COL19A1: variants seen among roughly 807,000 people sequenced by gnomAD.
COL19A1 encodes collagen alpha-1(XIX) chain.
In COL19A1, 159 loss-of-function variants were observed where a neutral mutation model predicts 190.2. The observed-to-expected ratio is 0.84, with a 90% CI of 0.73 to 0.95. COL19A1 has a LOEUF of 0.95. Ranked by LOEUF, COL19A1 falls within the 40% of genes least tolerant of loss-of-function variation. The pLI, the probability that COL19A1 is intolerant of heterozygous loss-of-function variation, is 0.00. For synonymous variants in COL19A1, 509 were observed against 458.9 expected, an observed-to-expected ratio of 1.11 and a Z score of -1.39; for missense variants, 1,418 against 1,431.9, an observed-to-expected ratio of 0.99 and a Z score of 0.16.
intron 4 of COL19A1, among the ~76,000 whole-genome samples, chr6:69,907,110 T>TTA (rs1770604570): frequency 5.7e-5 from 6 of 105,638 alleles, no homozygotes; most frequent in South Asian, 3.4e-4. Flanking sequence ...TATTATTATT[T>TTA]TTTTTTTTTT....
At chr6:70,207,059 CAA>C in intron 50 of COL19A1, 81 bp downstream of exon 50, 1 of 1,601,450 alleles carries the variant, frequency 6.2e-7, no homozygotes, top group Non-Finnish European at 8.5e-7. Context: ...CCTTATATGT[CAA>C]GTCGAGTGAT....
chr6:70,041,319 T>C (rs1779623768), intron 14 of COL19A1, among the ~76,000 whole-genome samples: 1 of 152,222 alleles, frequency 6.6e-6, no homozygotes, highest in Admixed American at 6.5e-5. Context: ...TATAATAATT[T>C]TAAAGTTCTA....
intron 1 of COL19A1, among the ~76,000 whole-genome samples, chr6:69,877,588 A>G (rs1276419382): frequency 3.3e-5 from 5 of 152,234 alleles, no homozygotes; most frequent in Non-Finnish European, 7.3e-5. Context: ...CATGACATCA[A>G]TTAAGCCAAA....
chr6:70,066,344 C>A (rs1011205303), intron 14 of COL19A1, among the ~76,000 whole-genome samples: 1 of 151,280 alleles, frequency 6.6e-6, no homozygotes, highest in Non-Finnish European at 1.5e-5. Flanking sequence ...CAAACTATCA[C>A]AAGGACAAAA....
intron 32 of COL19A1, 37 bp downstream of exon 32, chr6:70,156,268 G>A: frequency 6.2e-7 from 1 of 1,613,016 alleles, no homozygotes; most frequent in South Asian, 1.1e-5. Context: ...ATCCCTGTGG[G>A]TTACATGTAG....
At chr6:70,191,986 A>G (rs1766902165) in intron 48 of COL19A1, among the ~76,000 whole-genome samples, 1 of 152,180 alleles carries the variant, frequency 6.6e-6, no homozygotes, top group African/African-American at 2.4e-5. Context: ...AACTAGAAAT[A>G]CAGTAGAGTA....
intron 17 of COL19A1, among the ~76,000 whole-genome samples, chr6:70,129,186 C>CT (rs1359196606): frequency 1.3e-5 from 2 of 152,182 alleles, no homozygotes; most frequent in Non-Finnish European, 2.9e-5. Flanking sequence ...AAAGCACTAA[C>CT]TACCCTTTTG....
intron 14 of COL19A1, among the ~76,000 whole-genome samples, chr6:70,037,675 G>A (rs117785272): frequency 1.3e-5 from 2 of 152,150 alleles, no homozygotes; most frequent in Non-Finnish European, 2.9e-5. Flanking sequence ...TTCAACTCAT[G>A]TTGGAAGACT....
chr6:70,016,389 T>A (rs1582686266), intron 11 of COL19A1, among the ~76,000 whole-genome samples: 13 of 101,756 alleles, frequency 1.3e-4, no homozygotes, highest in East Asian at 3.2e-4. Context: ...AAAAAACACA[T>A]GAAAAAAAAA....
At chr6:69,945,959 A>G (rs1388370529) in intron 9 of COL19A1, among the ~76,000 whole-genome samples, 1 of 151,986 alleles carries the variant, frequency 6.6e-6, no homozygotes, top group Non-Finnish European at 1.5e-5. Context: ...TGATCCATAG[A>G]CTTCCTTGCA....
chr6:69,971,013 T>A (rs568620836), intron 11 of COL19A1, among the ~76,000 whole-genome samples: 2 of 152,238 alleles, frequency 1.3e-5, no homozygotes, highest in South Asian at 4.1e-4. Context: ...TCATTACAGA[T>A]TGTGTATTAT....
At chr6:70,191,860 T>C (rs1398624976) in intron 48 of COL19A1, among the ~76,000 whole-genome samples, 2 of 152,168 alleles carry the variant, frequency 1.3e-5, no homozygotes, top group Non-Finnish European at 2.9e-5. Context: ...CTTGACTCCA[T>C]TGCTTCAAAC....
At chr6:70,030,826 C>G (rs1779020562) in intron 12 of COL19A1, among the ~76,000 whole-genome samples, 1 of 152,144 alleles carries the variant, frequency 6.6e-6, no homozygotes, top group South Asian at 2.1e-4. Flanking sequence ...GTCTTGCTTC[C>G]AGCATGTGCC....
At chr6:70,087,123 T>C (rs1782636265) in intron 15 of COL19A1, among the ~76,000 whole-genome samples, 1 of 152,168 alleles carries the variant, frequency 6.6e-6, no homozygotes, top group Non-Finnish European at 1.5e-5. Context: ...GCCTAAAATA[T>C]TTACTTTAAA....
rs1199347359 is a variant in COL19A1 at position 70,156,133 on chromosome 6, T to C, written c.2086T>C (p.Cys696Arg). ...TTATCTTTATACTCATTAGAATTTC[T>C]GTGGCAACTGCCAAGCCAGTGTCCC... ...GDIGALLKNFCGNCQASVPGL... is the reference protein window; with the variant it reads ...GDIGALLKNFRGNCQASVPGL... The change falls in exon 32 of 51, where the codon TGT becomes CGT. Residue 696 changes from cysteine (C) to arginine (R), a missense_variant. Physicochemically the swap from Cys to Arg is radical, Grantham distance 180 (BLOSUM62 -3). Transcript: ENST00000620364. 1 of 1,612,778 alleles carries C rather than the reference T, an allele frequency of 6.2e-7. No homozygotes were observed. Among genetic ancestry groups the C allele is most frequent in the East Asian group, 2.2e-5 (1 of 44,742 alleles).
At position 70,200,668 on chromosome 6, in the gene COL19A1, A is replaced by G. The variant is rs148252071; in HGVS notation, c.3223+932A>G. Among the ~76,000 whole-genome samples the G allele has an allele frequency of 4.3e-3, 650 of 152,318 alleles. 6 individuals are homozygous for G. Among genetic ancestry groups the G allele is most frequent in the African/African-American group, 0.013 (533 of 41,582 alleles). On this transcript the variant is annotated intron_variant, in intron 49 of 50. Coordinates refer to ENST00000620364, the MANE Select transcript of COL19A1 (RefSeq NM_001858.6). Reference sequence around the variant, plus strand: ...TGCAAAGAAGTGTTTTTCTGTCACCAGTTTCCTTCCTACTGCTATTCTGTA... The same window carrying G: ...TGCAAAGAAGTGTTTTTCTGTCACCGGTTTCCTTCCTACTGCTATTCTGTA...
chr6:69,905,105 C>A (rs768861077), intron 4 of COL19A1, among the ~76,000 whole-genome samples: 1 of 152,134 alleles, frequency 6.6e-6, no homozygotes. Context: ...ACAGAGCCAA[C>A]CCGGGAGCCT....
At chr6:70,169,409 G>A (rs1765368828) in intron 40 of COL19A1, among the ~76,000 whole-genome samples, 2 of 151,950 alleles carry the variant, frequency 1.3e-5, no homozygotes, top group African/African-American at 4.8e-5. Flanking sequence ...TGTACCTAAA[G>A]CTGAAATAAA....
rs1205735531 is a variant in COL19A1 at position 69,929,672 on chromosome 6, C to T, written c.638C>T (p.Thr213Met). ...TTCCATGGACGGACAGTTATTGCTACGCGAGCTTCAGATGGCAAGCCTGTG... is the reference window on the plus strand; with the variant it reads ...TTCCATGGACGGACAGTTATTGCTATGCGAGCTTCAGATGGCAAGCCTGTG... ...VDFHGRTVIATRASDGKPVDI... is the reference protein window; with the variant it reads ...VDFHGRTVIAMRASDGKPVDI... Residue 213 changes from threonine (T) to methionine (M), a missense_variant, in exon 6 of 51, where the codon ACG becomes ATG. Transcript: ENST00000620364. 13 of 1,612,970 alleles carry T rather than the reference C, an allele frequency of 8.1e-6. No homozygotes were observed. The highest frequency in any genetic ancestry group is 2.2e-5 in the East Asian group (1 of 44,868).
Sources: gnomAD v4.1 joint callset for allele counts (sites outside exome capture counted in the v4.1 genomes callset) on GRCh38, gnomAD v4.1.1 for gene constraint, MANE v1.5 for transcripts, NCBI Gene and HGNC (gene_info 2026-07-23, HGNC 2026-07-21) for gene names.